STRBP: variants seen among roughly 807,000 people sequenced by gnomAD.
STRBP encodes spermatid perinuclear RNA binding protein.
STRBP carries 13 observed loss-of-function variants against 80.1 expected under a neutral mutation model. The ratio of observed to expected loss-of-function variants is 0.16; its 90% CI spans 0.11 to 0.26. The LOEUF is 0.26. STRBP is among the 10% of genes least tolerant of loss of function. The probability of loss-of-function intolerance (pLI) is 1.00; values close to 1 mark genes in which losing one functional copy is unlikely to be tolerated. For synonymous variants in STRBP, 284 were observed against 291.2 expected, an observed-to-expected ratio of 0.98 and a Z score of 0.25; for missense variants, 485 against 815.2, an observed-to-expected ratio of 0.59 and a Z score of 4.93.
intron 2 of STRBP, among the ~76,000 whole-genome samples, chr9:123,188,685 A>G (rs992778724): frequency 1.3e-5 from 2 of 152,176 alleles, no homozygotes; most frequent in Non-Finnish European, 2.9e-5. Flanking sequence ...CAACTATGCT[A>G]TCTATATTCA....
intron 4 of STRBP, among the ~76,000 whole-genome samples, 169 bp downstream of exon 4, chr9:123,178,838 T>G (rs1452831983): frequency 6.6e-6 from 1 of 152,206 alleles, no homozygotes; most frequent in Non-Finnish European, 1.5e-5. Context: ...TTGCTTTCCT[T>G]TCAAATTTAA....
At chr9:123,181,383 G>A (rs933454451) in intron 3 of STRBP, among the ~76,000 whole-genome samples, 11 of 152,154 alleles carry the variant, frequency 7.2e-5, no homozygotes, top group Admixed American at 2.6e-4. Context: ...GCAAAACTGC[G>A]TATTGCTACA....
intron 5 of STRBP, among the ~76,000 whole-genome samples, chr9:123,170,464 G>C (rs555439496): frequency 2.9e-4 from 44 of 152,250 alleles, no homozygotes; most frequent in African/African-American, 1.0e-3. Flanking sequence ...GCCTGAACAG[G>C]AACTCCTACT....
chr9:123,157,531 T>C (rs1471651219), intron 11 of STRBP, among the ~76,000 whole-genome samples: 1 of 152,142 alleles, frequency 6.6e-6, no homozygotes, highest in Non-Finnish European at 1.5e-5. Flanking sequence ...TTCATTCTCA[T>C]GCTACTAATA....
At chr9:123,156,905 AAAG>A (rs2037311419) in intron 11 of STRBP, among the ~76,000 whole-genome samples, 1 of 152,136 alleles carries the variant, frequency 6.6e-6, no homozygotes, top group Admixed American at 6.5e-5. Flanking sequence ...TTCTAGTTTA[AAAG>A]AAGAGAAAGG....
chr9:123,164,292 C>T (rs936371399), intron 6 of STRBP, among the ~76,000 whole-genome samples: 67 of 152,120 alleles, frequency 4.4e-4, no homozygotes, highest in African/African-American at 1.6e-3. Context: ...GGTGATCTGC[C>T]CACCTCAGCC....
chr9:123,165,198 T>C (rs1000685063), intron 6 of STRBP, among the ~76,000 whole-genome samples: 1 of 151,212 alleles, frequency 6.6e-6, no homozygotes, highest in African/African-American at 2.4e-5. Flanking sequence ...GGAGAATCGC[T>C]TGAACCCGGG....
intron 4 of STRBP, among the ~76,000 whole-genome samples, chr9:123,175,978 C>T (rs1204269716): frequency 6.6e-6 from 1 of 152,194 alleles, no homozygotes; most frequent in African/African-American, 2.4e-5. Flanking sequence ...CCTGGCTCTG[C>T]TACTTACTGT....
At chr9:123,223,079 A>G (rs1194764697) in intron 2 of STRBP, among the ~76,000 whole-genome samples, 1 of 152,080 alleles carries the variant, frequency 6.6e-6, no homozygotes, top group East Asian at 1.9e-4. Flanking sequence ...AGATAGATAG[A>G]TAGATAGATA....
intron 11 of STRBP, among the ~76,000 whole-genome samples, chr9:123,151,183 G>GA (rs375068207): frequency 6.6e-6 from 1 of 152,110 alleles, no homozygotes; most frequent in African/African-American, 2.4e-5. Flanking sequence ...ATTTCAGGCA[G>GA]AAAATCTGAA....
intron 4 of STRBP, 127 bp from the exon 5 acceptor site, chr9:123,173,969 TC>T: frequency 9.8e-7 from 1 of 1,024,746 alleles, no homozygotes; most frequent in Non-Finnish European, 1.4e-6. Flanking sequence ...CATCCAAGTA[TC>T]CACAAAATTA....
intron 2 of STRBP, among the ~76,000 whole-genome samples, chr9:123,220,277 T>C (rs1006457501): frequency 1.3e-5 from 2 of 152,230 alleles, no homozygotes; most frequent in African/African-American, 4.8e-5. Flanking sequence ...TTGTGTGACA[T>C]CATAAAGTGT....
chr9:123,200,729 C>T (rs1247897458), intron 2 of STRBP, among the ~76,000 whole-genome samples: 6 of 20,360 alleles, frequency 2.9e-4, no homozygotes, highest in African/African-American at 5.2e-4. Flanking sequence ...CCACACACCC[C>T]GCTAATTTTT....
intron 1 of STRBP, among the ~76,000 whole-genome samples, chr9:123,264,705 G>C (rs1266499716): frequency 6.6e-6 from 1 of 152,144 alleles, no homozygotes; most frequent in African/African-American, 2.4e-5. Context: ...CAATTATTCA[G>C]CCTACAAAGC....
intron 1 of STRBP, among the ~76,000 whole-genome samples, chr9:123,259,240 G>A (rs1489202406): frequency 6.6e-6 from 1 of 152,170 alleles, no homozygotes; most frequent in African/African-American, 2.4e-5. Flanking sequence ...TCCAGGTTTT[G>A]ACCTGAGAAA....
At chr9:123,144,365 C>T (rs184375640) in intron 13 of STRBP, among the ~76,000 whole-genome samples, 83 of 152,240 alleles carry the variant, frequency 5.5e-4, no homozygotes, top group Non-Finnish European at 9.4e-4. Context: ...ACATATACCA[C>T]GTATTTTCCA....
At chr9:123,245,483 C>T (rs957410662) in intron 1 of STRBP, among the ~76,000 whole-genome samples, 1 of 152,152 alleles carries the variant, frequency 6.6e-6, no homozygotes, top group Non-Finnish European at 1.5e-5. Flanking sequence ...TCCGCCTCCC[C>T]GGTTCACACC....
intron 2 of STRBP, among the ~76,000 whole-genome samples, chr9:123,190,032 C>T (rs949058215): frequency 2.6e-5 from 4 of 152,074 alleles, no homozygotes; most frequent in Non-Finnish European, 5.9e-5. Context: ...GTAATCCCAG[C>T]ACTTTGGGAG....
chr9:123,117,275 T>C (rs2035661163), downstream of STRBP, among the ~76,000 whole-genome samples: 2 of 152,068 alleles, frequency 1.3e-5, no homozygotes, highest in African/African-American at 4.8e-5. Context: ...ACAGAAACAT[T>C]GCCAAGTGCC....
Sources: allele counts gnomAD v4.1 joint callset (sites outside exome capture counted in the v4.1 genomes callset), GRCh38; gene constraint gnomAD v4.1.1; transcripts MANE v1.5; gene names NCBI Gene and HGNC (gene_info 2026-07-23, HGNC 2026-07-21).